Variants in ZPLD1 observed in about 807,000 individuals in gnomAD.
ZPLD1 encodes zona pellucida like domain containing 1.
ZPLD1 carries 34 observed loss-of-function variants against 47.2 expected under a neutral mutation model. The ratio of observed to expected loss-of-function variants is 0.72; its 90% CI spans 0.55 to 0.96. ZPLD1 has a LOEUF of 0.96. Among genes scored for constraint, ZPLD1 ranks in the 40% least tolerant of loss-of-function variants. ZPLD1 has a pLI of 0.00. For missense variants in ZPLD1, 512 were observed against 505.8 expected (o/e 1.01, Z -0.12); for synonymous variants, 176 against 186.2 (o/e 0.95, Z 0.45).
chr3:102,423,209 A>G (rs927297182), intron 8 of ZPLD1, among the ~76,000 whole-genome samples: 1 of 152,236 alleles, frequency 6.6e-6, no homozygotes, highest in South Asian at 2.1e-4. Context: ...GCCATGTTGT[A>G]GCATCAGGGA....
At chr3:102,473,302 A>G (rs1707712423) in intron 10 of ZPLD1, among the ~76,000 whole-genome samples, 2 of 152,340 alleles carry the variant, frequency 1.3e-5, no homozygotes, top group Admixed American at 6.5e-5. Flanking sequence ...TAATTCTAAC[A>G]TAAGTAACCA....
intron 10 of ZPLD1, among the ~76,000 whole-genome samples, chr3:102,473,662 C>T (rs1397545281): frequency 6.6e-6 from 1 of 152,102 alleles, no homozygotes; most frequent in Non-Finnish European, 1.5e-5. Context: ...CCTAAAGGAA[C>T]ATATACATAT....
intron 6 of ZPLD1, among the ~76,000 whole-genome samples, chr3:102,391,507 T>G (rs1706494985): frequency 6.6e-6 from 1 of 152,000 alleles, no homozygotes; most frequent in Non-Finnish European, 1.5e-5. Context: ...AGTGATACAG[T>G]TTCTGCTTGG....
chr3:102,414,825 A>G (rs907947542), intron 7 of ZPLD1, among the ~76,000 whole-genome samples: 1 of 151,876 alleles, frequency 6.6e-6, no homozygotes, highest in Non-Finnish European at 1.5e-5. Context: ...ATATATCAGT[A>G]TTTCCAGTAA....
chr3:102,461,577 C>A (rs989769519), intron 6 of ZPLD1, among the ~76,000 whole-genome samples: 1 of 151,960 alleles, frequency 6.6e-6, no homozygotes, highest in East Asian at 1.9e-4. Context: ...CTGTGTTTGT[C>A]TCAAAAGCTG....
chr3:102,463,856 G>A (rs1034462551), intron 7 of ZPLD1, among the ~76,000 whole-genome samples: 8 of 146,818 alleles, frequency 5.4e-5, no homozygotes, highest in Non-Finnish European at 1.0e-4. Context: ...TGGTTAACCC[G>A]GTGAAACCCC....
chr3:102,390,516 A>G (rs1226995882), intron 6 of ZPLD1, among the ~76,000 whole-genome samples: 3 of 152,242 alleles, frequency 2.0e-5, no homozygotes, highest in Non-Finnish European at 4.4e-5. Context: ...TAGAGCAAAG[A>G]GTATGTTTTG....
chr3:102,452,879 T>C (rs1422785356), intron 3 of ZPLD1, 40 bp from the exon 4 acceptor site: 1 of 1,600,016 alleles, frequency 6.2e-7, no homozygotes. Context: ...TCTTTCTGCT[T>C]TTCTGACTTA....
chr3:102,407,499 T>A (rs1182502465), intron 7 of ZPLD1, among the ~76,000 whole-genome samples: 1 of 142,492 alleles, frequency 7.0e-6, no homozygotes, highest in African/African-American at 2.6e-5. Context: ...TTTTTTAAAA[T>A]TTACAATCTA....
chr3:102,410,954 A>ATAT (rs368184211), intron 7 of ZPLD1, among the ~76,000 whole-genome samples: 2 of 151,828 alleles, frequency 1.3e-5, no homozygotes, highest in Non-Finnish European at 2.9e-5. Context: ...CCAAATAAAA[A>ATAT]TATTATTTGA....
chr3:102,422,184 T>C (rs759763716), intron 8 of ZPLD1, among the ~76,000 whole-genome samples: 6 of 152,040 alleles, frequency 3.9e-5, no homozygotes, highest in East Asian at 1.9e-4. Flanking sequence ...ATCTGCACTC[T>C]AGTAGCTCCT....
intron 4 of ZPLD1, 119 bp downstream of exon 4, chr3:102,453,258 C>A: frequency 1.1e-6 from 1 of 920,998 alleles, no homozygotes; most frequent in Non-Finnish European, 1.6e-6. Context: ...TTGAACAAAT[C>A]ACTTTCCTTT....
intron 6 of ZPLD1, among the ~76,000 whole-genome samples, chr3:102,386,899 C>A (rs188944233): frequency 2.5e-3 from 385 of 152,216 alleles, no homozygotes; most frequent in Non-Finnish European, 4.4e-3. Flanking sequence ...CATTTTTAAT[C>A]CTTTTGGCTG....
At chr3:102,468,050 C>G (rs1707625338) in intron 8 of ZPLD1, among the ~76,000 whole-genome samples, 1 of 151,876 alleles carries the variant, frequency 6.6e-6, no homozygotes, top group Admixed American at 6.6e-5. Flanking sequence ...ATGCAAATGA[C>G]TATAAGGTAT....
rs1400291886 is a variant in ZPLD1 at position 102,438,575 on chromosome 3, C to T, written c.88C>T (p.Leu30Phe). ...CAACGGCTACAACTGTGATGCCAAC[C>T]TCCACAGTAGATTTCCTGGTAAGTG... is the stretch of plus-strand genomic sequence containing the variant. Reference protein sequence around the residue: ...QFNGYNCDANLHSRFPAERDI... With the variant: ...QFNGYNCDANFHSRFPAERDI... The change falls in exon 3 of 12, where the codon CTC (leucine) becomes TTC (phenylalanine). Residue 30 changes from leucine to phenylalanine, a missense_variant. Physicochemically the swap from Leu to Phe is conservative, Grantham distance 22. Transcript: ENST00000466937. 11 of 1,612,886 alleles carry T rather than the reference C, an allele frequency of 6.8e-6. No individual in the cohort carries two copies. Among genetic ancestry groups the T allele is most frequent in the Non-Finnish European group, 8.5e-6 (10 of 1,179,034 alleles).
chr3:102,425,508 G>T (rs868425140), intron 8 of ZPLD1, among the ~76,000 whole-genome samples: 2 of 152,076 alleles, frequency 1.3e-5, no homozygotes, highest in South Asian at 2.1e-4. Flanking sequence ...CCTGGTCCCA[G>T]CCTCACTAAA....
intron 8 of ZPLD1, among the ~76,000 whole-genome samples, chr3:102,423,434 C>G (rs1255629002): frequency 6.6e-6 from 1 of 151,962 alleles, no homozygotes; most frequent in Non-Finnish European, 1.5e-5. Context: ...TAAAACTCCT[C>G]AAGTAATTCA....
In ZPLD1 at chr3:102,436,904, C is replaced by G. The variant is rs921704746; in HGVS notation, c.-78C>G. On this transcript the variant is annotated 5_prime_UTR_variant, in exon 2 of 12. Coordinates refer to ENST00000466937, the MANE Select transcript of ZPLD1 (RefSeq NM_001329788.2). ...GACAACAGTGTGGGTCTAGAGTTTCCAATGTCTTCCAGGAGTTCTTGGGAC... is the reference window on the plus strand; with the variant it reads ...GACAACAGTGTGGGTCTAGAGTTTCGAATGTCTTCCAGGAGTTCTTGGGAC... The G allele has an allele frequency of 1.0e-6, 1 of 985,244 alleles. No homozygotes were observed. Among genetic ancestry groups the G allele is most frequent in the Non-Finnish European group, 1.2e-6 (1 of 829,932 alleles). The allele number at this position is 985,244 out of a possible 1,614,324, so 61.0% of individuals were successfully genotyped here. A position where few individuals can be genotyped will look rare whatever the true frequency, so the allele number is the denominator to read the frequency against.
At chr3:102,474,894 G>A (rs1396532867) in intron 10 of ZPLD1, among the ~76,000 whole-genome samples, 2 of 152,084 alleles carry the variant, frequency 1.3e-5, no homozygotes, top group Non-Finnish European at 2.9e-5. Context: ...TCAAGACCAA[G>A]TGGGTTCAAG....
Sources: gnomAD v4.1 joint callset for allele counts (sites outside exome capture counted in the v4.1 genomes callset) on GRCh38, gnomAD v4.1.1 for gene constraint, MANE v1.5 for transcripts, NCBI Gene and HGNC (gene_info 2026-07-23, HGNC 2026-07-21) for gene names.